The following SESN1 variants were observed in gnomAD, a reference collection of about 807,000 sequenced individuals.
SESN1 encodes the protein sestrin-1.
In SESN1, 30 loss-of-function variants were observed where a neutral mutation model predicts 59.3. The observed-to-expected ratio is 0.51, with a 90% CI of 0.38 to 0.69. SESN1 has a LOEUF of 0.69. SESN1 is among the 30% of genes least tolerant of loss of function. The pLI is 0.00. For missense variants in SESN1, 566 were observed against 673.0 expected (o/e 0.84, Z 1.76); for synonymous variants, 197 against 219.9 (o/e 0.90, Z 0.92).
At position 109,061,104 on chromosome 6, in the gene SESN1, T is replaced by C. The variant is rs141640419; in HGVS notation, c.279+32691A>G. Among the ~76,000 whole-genome samples, 278 of 152,346 alleles carry C rather than the reference T, an allele frequency of 1.8e-3. 1 individual carries two copies. Among genetic ancestry groups the C allele is most frequent in the Admixed American group, 5.5e-3 (84 of 15,312 alleles). On this transcript the variant is annotated intron_variant, in intron 1 of 9. Transcript: ENST00000436639. ...TGAAATATCTCACACATATTATTCA[T>C]AACTCAGTTGTATATCTGACTTTAA...
rs2128525101 is a variant in SESN1, at chr6:108,985,037, C to CA, written c.*2506dup. Among the ~76,000 whole-genome samples the CA allele has an allele frequency of 1.3e-5, 2 of 152,116 alleles. No individual in the cohort carries two copies. Among genetic ancestry groups the CA allele is most frequent in the South Asian group, 4.2e-4 (2 of 4,818 alleles). On this transcript the variant is annotated 3_prime_UTR_variant, in exon 10 of 10. Coordinates refer to ENST00000436639, the MANE Select transcript of SESN1 (RefSeq NM_014454.3). ...CATTACTCCCATCTACCAGTGTTAG[C>CA]AAAAAACTAGTATGATGATTCATAT...
At chr6:109,015,284 A>G (rs772288931) in intron 1 of SESN1, among the ~76,000 whole-genome samples, 18 of 152,012 alleles carry the variant, frequency 1.2e-4, no homozygotes, top group Non-Finnish European at 2.4e-4. Context: ...TAGATACCCA[A>G]GCTCCTTTGA....
At chr6:109,000,448 A>G (rs1779591609) in intron 4 of SESN1, 43 bp downstream of exon 4, 1 of 1,384,274 alleles carries the variant, frequency 7.2e-7, no homozygotes, top group East Asian at 2.6e-5. Context: ...CTGCTCTAAA[A>G]AAGTCTGAAA....
intron 1 of SESN1, among the ~76,000 whole-genome samples, chr6:109,013,038 C>G (rs1228730391): frequency 6.6e-6 from 1 of 151,754 alleles, no homozygotes; most frequent in Non-Finnish European, 1.5e-5. Flanking sequence ...ATTGCTTGAA[C>G]CCGGGAGGCA....
intron 1 of SESN1, among the ~76,000 whole-genome samples, chr6:109,065,256 T>TA (rs60833946): frequency 1.3e-5 from 2 of 151,990 alleles, no homozygotes; most frequent in South Asian, 4.1e-4. Flanking sequence ...TATAGGTTTA[T>TA]AAAAAAAATT....
At chr6:109,014,570 G>A (rs185066636) in intron 1 of SESN1, among the ~76,000 whole-genome samples, 1 of 152,240 alleles carries the variant, frequency 6.6e-6, no homozygotes, top group African/African-American at 2.4e-5. Flanking sequence ...AAGAAAAGAG[G>A]GTAGAAAGAC....
At chr6:109,044,752 A>G (rs748451189) in intron 1 of SESN1, among the ~76,000 whole-genome samples, 1 of 151,944 alleles carries the variant, frequency 6.6e-6, no homozygotes, top group Non-Finnish European at 1.5e-5. Context: ...AGCCGGGCGC[A>G]GTGGCTCACG....
chr6:108,985,236 G>C lies in SESN1; in HGVS notation c.*2308C>G, dbSNP rs1416914028. Among the ~76,000 whole-genome samples the C allele has an allele frequency of 3.3e-5, 5 of 152,062 alleles. No individual in the cohort carries two copies. Among genetic ancestry groups the C allele is most frequent in the African/African-American group, 1.2e-4 (5 of 41,398 alleles). On this transcript the variant is annotated 3_prime_UTR_variant, in exon 10 of 10. Transcript: ENST00000436639. ...TGTATCAAAATCAATCTCATTCTTA[G>C]AGATGATAAAGTTTGGCCTAATAAA... is the stretch of plus-strand genomic sequence containing the variant.
rs779366759 is a variant in SESN1, at chr6:109,022,411, C to CTT, written c.280-20070_280-20069dup. ...GTATGCATCAGGCATTGTTCTAAAG[C>CTT]TTTTTTTTTTTTTTTTTTTTTTTTT... On this transcript the variant is annotated intron_variant, in intron 1 of 9. Coordinates refer to ENST00000436639, the MANE Select transcript of SESN1 (RefSeq NM_014454.3). Among the ~76,000 whole-genome samples, 95 of 65,884 alleles carry CTT rather than the reference C, an allele frequency of 1.4e-3. 7 individuals are homozygous for CTT. Among genetic ancestry groups the CTT allele is most frequent in the Non-Finnish European group, 1.7e-3 (64 of 36,686 alleles). 43.2% of individuals were successfully genotyped at this position (65,884 alleles called of 152,430 possible).
intron 1 of SESN1, among the ~76,000 whole-genome samples, chr6:109,012,896 A>ACC (rs1324578657): frequency 6.6e-6 from 1 of 151,980 alleles, no homozygotes; most frequent in Non-Finnish European, 1.5e-5. Flanking sequence ...AGGGCGGATC[A>ACC]CAAGGTCAGG....
intron 3 of SESN1, among the ~76,000 whole-genome samples, chr6:109,001,017 G>T (rs999651759): frequency 5.3e-5 from 8 of 152,108 alleles, no homozygotes; most frequent in Admixed American, 2.0e-4. Context: ...CACCACTTAT[G>T]TCAATGTGAA....
At chr6:108,990,440 T>C (rs1306469768) in intron 8 of SESN1, among the ~76,000 whole-genome samples, 2 of 152,132 alleles carry the variant, frequency 1.3e-5, no homozygotes, top group South Asian at 2.1e-4. Flanking sequence ...GGTCCCTAAC[T>C]CTCCCTCCTG....
intron 1 of SESN1, among the ~76,000 whole-genome samples, chr6:109,057,707 C>T (rs894958423): frequency 5.9e-5 from 9 of 152,194 alleles, no homozygotes; most frequent in African/African-American, 2.2e-4. Flanking sequence ...AGGATTATCC[C>T]CTTCATTCAG....
chr6:109,005,753 G>A (rs1562457577), intron 1 of SESN1, among the ~76,000 whole-genome samples: 1 of 152,002 alleles, frequency 6.6e-6, no homozygotes, highest in Admixed American at 6.6e-5. Context: ...TGTAAAATAG[G>A]GATGATGACA....
At chr6:109,038,990 G>A (rs988970097) in intron 1 of SESN1, among the ~76,000 whole-genome samples, 1 of 149,884 alleles carries the variant, frequency 6.7e-6, no homozygotes, top group Non-Finnish European at 1.5e-5. Flanking sequence ...AGAAGAAGGA[G>A]GAGGAGGAGA....
At chr6:109,085,387 C>T (rs1182730931) in intron 1 of SESN1, among the ~76,000 whole-genome samples, 3 of 152,050 alleles carry the variant, frequency 2.0e-5, no homozygotes, top group African/African-American at 7.2e-5. Flanking sequence ...GGTCTGGTGG[C>T]GGGCACCTGT....
chr6:109,012,265 C>T (rs1292216108), intron 1 of SESN1, among the ~76,000 whole-genome samples: 55 of 146,896 alleles, frequency 3.7e-4, no homozygotes, highest in African/African-American at 1.3e-3. Context: ...TTTTTTGAGA[C>T]GGAGTCTCGC....
chr6:109,038,679 T>C (rs926081585), intron 1 of SESN1, among the ~76,000 whole-genome samples: 4 of 152,252 alleles, frequency 2.6e-5, no homozygotes, highest in Non-Finnish European at 4.4e-5. Context: ...GAATTGCCTA[T>C]GCAATTTATA....
intron 1 of SESN1, among the ~76,000 whole-genome samples, chr6:109,051,160 C>CA (rs1780534895): frequency 6.7e-6 from 1 of 148,478 alleles, no homozygotes; most frequent in Admixed American, 6.7e-5. Flanking sequence ...CAAAAAAAAA[C>CA]AACAAAAAAA....
Sources: allele counts gnomAD v4.1 joint callset (sites outside exome capture counted in the v4.1 genomes callset), GRCh38; gene constraint gnomAD v4.1.1; transcripts MANE v1.5; gene names NCBI Gene and HGNC (gene_info 2026-07-23, HGNC 2026-07-21).